Variants in RASA4 observed in about 807,000 individuals in gnomAD.
RASA4 encodes ras GTPase-activating protein 4.
Under a neutral mutation model 24.0 loss-of-function variants are expected in RASA4, and 5 were observed. The ratio of observed to expected loss-of-function variants is 0.21; its 90% CI spans 0.11 to 0.44. The LOEUF (loss-of-function observed/expected upper bound fraction) is 0.44, where lower values mean the gene tolerates loss of function less well. RASA4 is among the 20% of genes least tolerant of loss of function. The pLI is 0.99. For synonymous variants in RASA4, 9 were observed against 132.7 expected (o/e 0.07, Z 6.41); for missense variants, 38 against 293.0 (o/e 0.13, Z 6.35).
At chr7:102,597,755 C>A (rs2133459992) in intron 8 of RASA4, among the ~76,000 whole-genome samples, 1 of 133,996 alleles carries the variant, frequency 7.5e-6, no homozygotes, top group Non-Finnish European at 1.7e-5. Flanking sequence ...GCTCTTGTCA[C>A]CGAGGCTGGA....
intron 5 of RASA4, among the ~76,000 whole-genome samples, chr7:102,603,838 C>CAAAA (rs148681177): frequency 4.0e-5 from 2 of 50,424 alleles, no homozygotes; most frequent in African/African-American, 9.4e-5. Context: ...CAGACTGCCT[C>CAAAA]AAAAAAAAAA....
At position 102,581,181 on chromosome 7, in the gene RASA4, A is replaced by G. The variant is rs1789680244; in HGVS notation, c.*1590T>C. On this transcript the variant is annotated 3_prime_UTR_variant, in exon 21 of 21. Coordinates refer to ENST00000262940, the MANE Select transcript of RASA4 (RefSeq NM_006989.6). Reference sequence around the variant, plus strand: ...GTTGTGAGGAGCCTGGAGCCAGTGGACGCTGGGAGGGAGGAGGCTTTAGAG... The same window carrying G: ...GTTGTGAGGAGCCTGGAGCCAGTGGGCGCTGGGAGGGAGGAGGCTTTAGAG... 6.7e-6 allele frequency: 1 copy of G among 149,410 alleles called. No homozygotes were observed. Among genetic ancestry groups the G allele is most frequent in the African/African-American group, 2.4e-5 (1 of 41,288 alleles). The allele number at this position is 149,410 out of a possible 1,614,324, so 9.3% of individuals were successfully genotyped here.
intron 11 of RASA4, among the ~76,000 whole-genome samples, chr7:102,594,891 G>GGT (rs1554345249): frequency 3.7e-5 from 2 of 53,912 alleles, no homozygotes; most frequent in East Asian, 1.1e-3. Context: ...TGGGGGGGGG[G>GGT]GGTGCGGGGC....
rs1790079931 is a variant in RASA4 at position 102,593,027 on chromosome 7, TG to T, written c.1626del (p.Phe542LeufsTer20). 1.4e-6 allele frequency: 1 copy of T among 726,314 alleles called. No individual in the cohort carries two copies. Among genetic ancestry groups the T allele is most frequent in the East Asian group, 2.7e-5 (1 of 37,102 alleles). 45.0% of individuals were successfully genotyped at this position (726,314 alleles called of 1,614,324 possible). A position where few individuals can be genotyped will look rare whatever the true frequency, so the allele number is the denominator to read the frequency against. ...TCCTCGATGTCCACGAGCTTGGTGA[TG>T]AAGTCCTTCAGCTGCGCCACGCCCT... ...VRQGVAQLKDFITKLVDIEEK... is the reference protein window; with the variant it reads ...VRQGVAQLKDXITKLVDIEEK... On this transcript the variant is annotated frameshift_variant, in exon 15 of 21. Coordinates refer to ENST00000262940, the MANE Select transcript of RASA4 (RefSeq NM_006989.6). LOFTEE classifies it high-confidence loss of function.
intron 16 of RASA4, among the ~76,000 whole-genome samples, chr7:102,590,955 A>T (rs1424800104): frequency 2.0e-5 from 3 of 148,354 alleles, no homozygotes; most frequent in Non-Finnish European, 4.4e-5. Flanking sequence ...AAAAAAAAAA[A>T]AATGGGACCA....
intron 18 of RASA4, among the ~76,000 whole-genome samples, chr7:102,585,672 AG>A (rs1789741800): frequency 1.3e-5 from 1 of 76,946 alleles, no homozygotes; most frequent in Non-Finnish European, 2.8e-5. Flanking sequence ...CCTGGCCTGA[AG>A]GACAGGGGAC....
Position 102,606,029 on chromosome 7 carries a change from A to G in RASA4, c.299-42T>C, listed in dbSNP as rs375655267. On this transcript the variant is annotated intron_variant, in intron 4 of 20. Coordinates refer to ENST00000262940, the MANE Select transcript of RASA4 (RefSeq NM_006989.6). ...GCCAGGGACCCGGCCCTGAACCCCCATACCCTCCACCCTCAGCCCCACCAG... is the reference window on the plus strand; with the variant it reads ...GCCAGGGACCCGGCCCTGAACCCCCGTACCCTCCACCCTCAGCCCCACCAG... 438 of 1,586,738 alleles carry G rather than the reference A, an allele frequency of 2.8e-4. No homozygotes were observed. In the African/African-American group the frequency reaches 4.7e-3, roughly 17 times the overall value.
At chr7:102,597,676 G>A (rs1173340717) in intron 8 of RASA4, among the ~76,000 whole-genome samples, 1 of 141,966 alleles carries the variant, frequency 7.0e-6, no homozygotes, top group African/African-American at 2.5e-5. Context: ...CACCCGCCTC[G>A]GCCACCCAAA....
At chr7:102,603,865 C>CAAAAA (rs60895813) in intron 5 of RASA4, among the ~76,000 whole-genome samples, 1 of 80,198 alleles carries the variant, frequency 1.2e-5, no homozygotes, top group African/African-American at 4.0e-5. Flanking sequence ...AAAAAACCAC[C>CAAAAA]AAAAAAAAAA....
chr7:102,591,683 C>T (rs1790001980), intron 16 of RASA4, among the ~76,000 whole-genome samples: 2 of 146,690 alleles, frequency 1.4e-5, no homozygotes, highest in Non-Finnish European at 3.0e-5. Context: ...CCCTAGCCTC[C>T]TACTCATCTA....
chr7:102,591,500 C>T, intron 16 of RASA4, among the ~76,000 whole-genome samples: 1 of 50,626 alleles, frequency 2.0e-5, no homozygotes, highest in South Asian at 6.1e-4. Context: ...AGCAAGCAGT[C>T]ACCAGGTCCA....
intron 16 of RASA4, among the ~76,000 whole-genome samples, chr7:102,590,905 A>G (rs1215726214): frequency 1.4e-5 from 2 of 143,490 alleles, no homozygotes; most frequent in South Asian, 2.2e-4. Flanking sequence ...GCACCATTGC[A>G]CTCTGGCCTG....
rs1801464994 is a variant in RASA4, at chr7:102,580,083, A to C, written c.*2688T>G. On this transcript the variant is annotated 3_prime_UTR_variant, in exon 21 of 21. Transcript: ENST00000262940. ...CAGGCATGTGCCACTGTGCCCAGCC[A>C]AGTGCAGTATCTTATCACACCTTTA... The C allele has an allele frequency of 3.1e-6, 1 of 326,270 alleles. No individual in the cohort carries two copies. Among genetic ancestry groups the C allele is most frequent in the African/African-American group, 2.2e-5 (1 of 46,020 alleles). 20.2% of individuals were successfully genotyped at this position (326,270 alleles called of 1,614,324 possible). A position where few individuals can be genotyped will look rare whatever the true frequency, so the allele number is the denominator to read the frequency against.
chr7:102,591,119 CA>C (rs1176842850), intron 16 of RASA4, among the ~76,000 whole-genome samples: 15 of 88,060 alleles, frequency 1.7e-4, no homozygotes, highest in East Asian at 3.3e-4. Flanking sequence ...CCCATCTCCG[CA>C]AAAAAAAAAG....
At chr7:102,585,864 T>C (rs1429514887) in intron 18 of RASA4, among the ~76,000 whole-genome samples, 102 of 149,816 alleles carry the variant, frequency 6.8e-4, no homozygotes, top group Non-Finnish European at 1.3e-3. Context: ...TTTGTTTTTT[T>C]TTTTTTGAGA....
chr7:102,592,043 C>G (rs1194839384), intron 16 of RASA4, among the ~76,000 whole-genome samples: 1 of 151,440 alleles, frequency 6.6e-6, no homozygotes, highest in East Asian at 1.9e-4. Context: ...CCATGTTGGC[C>G]AGGCTGGTCT....
chr7:102,597,720 G>A (rs1379700222), intron 8 of RASA4, among the ~76,000 whole-genome samples: 2 of 140,454 alleles, frequency 1.4e-5, no homozygotes, highest in African/African-American at 2.5e-5. Context: ...CACCGCACCC[G>A]GCTGTTTTCT....
intron 16 of RASA4, among the ~76,000 whole-genome samples, chr7:102,591,923 T>A (rs1490027728): frequency 3.9e-5 from 6 of 152,346 alleles, no homozygotes; most frequent in African/African-American, 1.4e-4. Flanking sequence ...AACTTCTGCC[T>A]CCCAGGTTCA....
chr7:102,590,998 C>T (rs1313857076), intron 16 of RASA4, among the ~76,000 whole-genome samples: 1 of 143,550 alleles, frequency 7.0e-6, no homozygotes, highest in African/African-American at 2.7e-5. Context: ...TCAAATCTTT[C>T]AACCCTGGCA....
Sources: allele counts gnomAD v4.1 joint callset (sites outside exome capture counted in the v4.1 genomes callset), GRCh38; gene constraint gnomAD v4.1.1; transcripts MANE v1.5; gene names NCBI Gene and HGNC (gene_info 2026-07-23, HGNC 2026-07-21).